The following ZNRF1 variants were observed in gnomAD, a reference collection of about 807,000 sequenced individuals.
ZNRF1 encodes the protein zinc and ring finger 1, also known as E3 ubiquitin-protein ligase ZNRF1.
A neutral mutation model predicts 18.4 loss-of-function variants in ZNRF1; 3 were observed. That is an observed-to-expected ratio of 0.16 (90% CI 0.07 to 0.42). ZNRF1 has a LOEUF of 0.42. Among genes scored for constraint, ZNRF1 ranks in the 10% least tolerant of loss-of-function variants. The pLI is 0.99. For missense variants in ZNRF1, 310 were observed against 329.8 expected, an observed-to-expected ratio of 0.94 and a Z score of 0.47; for synonymous variants, 157 against 144.2, an observed-to-expected ratio of 1.09 and a Z score of -0.64.
At chr16:75,102,870 T>C (rs1484102026) in intron 2 of ZNRF1, among the ~76,000 whole-genome samples, 2 of 152,190 alleles carry the variant, frequency 1.3e-5, no homozygotes, top group Non-Finnish European at 2.9e-5. Context: ...GCTGCCCTCA[T>C]CCGCACACGC....
intron 1 of ZNRF1, among the ~76,000 whole-genome samples, chr16:75,065,008 C>G (rs2035784990): frequency 6.6e-6 from 1 of 152,194 alleles, no homozygotes; most frequent in African/African-American, 2.4e-5. Context: ...GTATCTCACC[C>G]CACTTCACGT....
intron 1 of ZNRF1, among the ~76,000 whole-genome samples, chr16:75,026,447 G>C (rs979658521): frequency 6.6e-6 from 1 of 152,066 alleles, no homozygotes; most frequent in Non-Finnish European, 1.5e-5. Flanking sequence ...TTTCCTTCAT[G>C]CCTCTAGAAA....
intron 2 of ZNRF1, among the ~76,000 whole-genome samples, chr16:75,099,584 T>G (rs1212625671): frequency 5.3e-5 from 8 of 152,128 alleles, no homozygotes; most frequent in Admixed American, 5.2e-4. Flanking sequence ...TCAGGAAACT[T>G]GGGAGGTGCT....
In ZNRF1 at chr16:75,095,568, C is replaced by T. The variant is rs756467398; in HGVS notation, c.520+1901C>T. 3.1e-5 allele frequency: 47 copies of T among 1,500,566 alleles called. 1 individual carries two copies. The highest frequency in any genetic ancestry group is 1.3e-4 in the South Asian group (10 of 79,518). The allele number at this position is 1,500,566 out of a possible 1,614,324, so 93.0% of individuals were successfully genotyped here. A position where few individuals can be genotyped will look rare whatever the true frequency, so the allele number is the denominator to read the frequency against. ...CCGTTTGTCCTGTGGGTTGCTAGGG[C>T]GTTCTCTGTAGACACTGCGTTTGTT... On this transcript the variant is annotated intron_variant, in intron 2 of 4. Transcript: ENST00000335325.
intron 2 of ZNRF1, among the ~76,000 whole-genome samples, chr16:75,097,400 A>T (rs1340327519): frequency 6.6e-6 from 1 of 152,134 alleles, no homozygotes; most frequent in Non-Finnish European, 1.5e-5. Flanking sequence ...AGCTCCCCTC[A>T]GCTGTGTTCT....
chr16:75,036,370 G>A (rs1050590311), intron 1 of ZNRF1, among the ~76,000 whole-genome samples: 16 of 152,168 alleles, frequency 1.1e-4, no homozygotes, highest in African/African-American at 3.9e-4. Context: ...AACCTCAAGT[G>A]ATTTCCTGTC....
chr16:75,107,101 C>T (rs1254491335), intron 4 of ZNRF1: 1 of 168,318 alleles, frequency 5.9e-6, no homozygotes, highest in East Asian at 1.7e-4. Context: ...CCAGATGAAT[C>T]TGAGGCCTCC....
At chr16:75,061,597 T>C (rs1228059914) in intron 1 of ZNRF1, among the ~76,000 whole-genome samples, 1 of 151,460 alleles carries the variant, frequency 6.6e-6, no homozygotes, top group African/African-American at 2.4e-5. Flanking sequence ...TACTTCATAG[T>C]GTATATGTAC....
At chr16:75,071,889 C>G (rs1403221209) in intron 1 of ZNRF1, among the ~76,000 whole-genome samples, 1 of 152,132 alleles carries the variant, frequency 6.6e-6, no homozygotes, top group Non-Finnish European at 1.5e-5. Flanking sequence ...CTTTCCTTTT[C>G]ACCCCTGACT....
chr16:75,071,450 A>G (rs558282517), intron 1 of ZNRF1, among the ~76,000 whole-genome samples: 34 of 152,172 alleles, frequency 2.2e-4, no homozygotes, highest in African/African-American at 7.7e-4. Context: ...GACCTCAGCA[A>G]GGGCCGTCAA....
intron 2 of ZNRF1, among the ~76,000 whole-genome samples, chr16:75,096,238 A>G (rs542915945): frequency 1.4e-4 from 22 of 152,272 alleles, no homozygotes; most frequent in African/African-American, 4.3e-4. Context: ...TTCAGAAACA[A>G]TGGTCCGGCC....
At chr16:75,010,231 C>T (rs781417599) in intron 1 of ZNRF1, among the ~76,000 whole-genome samples, 16 of 152,290 alleles carry the variant, frequency 1.1e-4, no homozygotes, top group Non-Finnish European at 1.9e-4. Context: ...GATCCACCCG[C>T]CTCAGCCTCC....
At chr16:75,093,467 C>A in intron 1 of ZNRF1, 105 bp from the exon 2 acceptor site, 1 of 831,288 alleles carries the variant, frequency 1.2e-6, no homozygotes, top group Non-Finnish European at 2.0e-6. Flanking sequence ...GGTCATCCTC[C>A]ACATTGACCC....
At chr16:75,023,780 T>C (rs2035185923) in intron 1 of ZNRF1, among the ~76,000 whole-genome samples, 1 of 152,094 alleles carries the variant, frequency 6.6e-6, no homozygotes, top group African/African-American at 2.4e-5. Flanking sequence ...CCCAACCTTT[T>C]TCTTTGGCCA....
intron 1 of ZNRF1, among the ~76,000 whole-genome samples, chr16:75,019,160 C>A (rs1020887032): frequency 5.3e-5 from 8 of 151,676 alleles, no homozygotes; most frequent in Non-Finnish European, 7.4e-5. Flanking sequence ...AGTGAGACGT[C>A]TCAAAAAACA....
intron 1 of ZNRF1, among the ~76,000 whole-genome samples, chr16:75,021,791 G>A (rs1025264574): frequency 5.9e-5 from 9 of 151,830 alleles, no homozygotes; most frequent in African/African-American, 1.9e-4. Context: ...CATATGTTCC[G>A]GATTTAATTT....
chr16:75,041,496 A>C (rs548549161), intron 1 of ZNRF1, among the ~76,000 whole-genome samples: 8 of 151,744 alleles, frequency 5.3e-5, no homozygotes, highest in Admixed American at 2.0e-4. Flanking sequence ...TATCCGGCTA[A>C]TTTTTGTATT....
At chr16:75,042,697 A>G (rs1411524094) in intron 1 of ZNRF1, among the ~76,000 whole-genome samples, 1 of 152,074 alleles carries the variant, frequency 6.6e-6, no homozygotes. Flanking sequence ...TTTCAAAATA[A>G]TGTTGGGTTT....
intron 1 of ZNRF1, among the ~76,000 whole-genome samples, chr16:75,010,952 G>A (rs1402935659): frequency 2.0e-5 from 3 of 152,136 alleles, no homozygotes; most frequent in East Asian, 1.9e-4. Flanking sequence ...CAAGTGATCC[G>A]CCCACCTTGG....
Sources: gnomAD v4.1 joint callset for allele counts (sites outside exome capture counted in the v4.1 genomes callset) on GRCh38, gnomAD v4.1.1 for gene constraint, MANE v1.5 for transcripts, NCBI Gene and HGNC (gene_info 2026-07-23, HGNC 2026-07-21) for gene names.